The following RBFOX1 variants were observed in gnomAD, a reference collection of about 807,000 sequenced individuals.
The protein encoded by RBFOX1 is RNA binding protein fox-1 homolog 1.
A neutral mutation model predicts 57.7 loss-of-function variants in RBFOX1; 8 were observed. The observed-to-expected ratio is 0.14, with a 90% confidence interval of 0.08 to 0.25. The LOEUF (loss-of-function observed/expected upper bound fraction) is 0.25. Among genes scored for constraint, RBFOX1 ranks in the 10% least tolerant of loss-of-function variants. The pLI, the probability that RBFOX1 is intolerant of heterozygous loss-of-function variation, is 1.00. For synonymous variants in RBFOX1, 326 were observed against 222.4 expected (o/e 1.47, Z -4.15); for missense variants, 611 against 548.5 (o/e 1.11, Z -1.14).
intron 2 of RBFOX1, among the ~76,000 whole-genome samples, chr16:6,544,037 C>T (rs1219513831): frequency 1.3e-5 from 2 of 152,182 alleles, no homozygotes; most frequent in East Asian, 3.9e-4. Context: ...TTAGCAAGTA[C>T]CTGAGATGCT....
intron 2 of RBFOX1, among the ~76,000 whole-genome samples, chr16:6,498,129 G>T (rs1397859369): frequency 6.6e-6 from 1 of 151,834 alleles, no homozygotes; most frequent in Non-Finnish European, 1.5e-5. Flanking sequence ...GTACGTGCCT[G>T]TAGTCCCAGC....
chr16:6,003,006 G>C (rs551273558), intron 4 of RBFOX1, among the ~76,000 whole-genome samples: 1 of 152,160 alleles, frequency 6.6e-6, no homozygotes, highest in African/African-American at 2.4e-5. Context: ...AAGACTGGGC[G>C]TGGTGGCTCA....
intron 3 of RBFOX1, among the ~76,000 whole-genome samples, chr16:6,860,451 C>G (rs75715792): frequency 0.014 from 2,153 of 152,302 alleles, 55 homozygotes; most frequent in African/African-American, 0.049. Flanking sequence ...AGCGGGCGCT[C>G]TACCGTGCTG....
intron 1 of RBFOX1, among the ~76,000 whole-genome samples, chr16:5,415,100 C>A (rs1009560569): frequency 6.6e-6 from 1 of 152,164 alleles, no homozygotes; most frequent in Non-Finnish European, 1.5e-5. Context: ...AATGTCTAAT[C>A]ACACCGTGTA....
chr16:6,512,836 T>G (rs370358035), intron 2 of RBFOX1, among the ~76,000 whole-genome samples: 7 of 152,310 alleles, frequency 4.6e-5, no homozygotes, highest in African/African-American at 1.7e-4. Flanking sequence ...CTAGGTCAAA[T>G]GATCCAATGC....
intron 1 of RBFOX1, among the ~76,000 whole-genome samples, chr16:6,216,055 C>T (rs901029160): frequency 3.3e-5 from 5 of 152,076 alleles, no homozygotes; most frequent in African/African-American, 1.2e-4. Flanking sequence ...TGCATGTTCT[C>T]GCTTGTAAGA....
chr16:6,222,049 A>G (rs1036001551), intron 1 of RBFOX1, among the ~76,000 whole-genome samples: 2 of 152,200 alleles, frequency 1.3e-5, no homozygotes, highest in Non-Finnish European at 1.5e-5. Flanking sequence ...AAGACACCAT[A>G]TTTAAGAAGT....
intron 3 of RBFOX1, among the ~76,000 whole-genome samples, chr16:6,658,509 G>GA (rs1847948645): frequency 6.6e-6 from 1 of 152,068 alleles, no homozygotes; most frequent in South Asian, 2.1e-4. Flanking sequence ...ACCCGGCCGA[G>GA]AGCCCTCATC....
At chr16:6,677,313 G>A (rs2057901809) in intron 3 of RBFOX1, among the ~76,000 whole-genome samples, 3 of 152,062 alleles carry the variant, frequency 2.0e-5, no homozygotes, top group African/African-American at 7.2e-5. Context: ...CATTCCTTAA[G>A]GCCCTTTTGT....
chr16:5,331,493 A>G (rs1271124277), intron 1 of RBFOX1, among the ~76,000 whole-genome samples: 2 of 152,338 alleles, frequency 1.3e-5, no homozygotes, highest in Admixed American at 1.3e-4. Context: ...TGTCTTACCA[A>G]TTCTGGAACT....
At chr16:6,498,650 A>G (rs980752485) in intron 2 of RBFOX1, among the ~76,000 whole-genome samples, 3 of 152,184 alleles carry the variant, frequency 2.0e-5, no homozygotes, top group African/African-American at 7.2e-5. Flanking sequence ...TGCCCATATT[A>G]AGGACTTCGA....
intron 3 of RBFOX1, among the ~76,000 whole-genome samples, chr16:5,621,661 A>G (rs77063747): frequency 6.6e-6 from 1 of 152,194 alleles, no homozygotes; most frequent in Non-Finnish European, 1.5e-5. Flanking sequence ...GTGTCATGGA[A>G]TGATTTAGGA....
intron 1 of RBFOX1, chr16:5,366,602 C>T (rs2151357097): frequency 2.6e-6 from 1 of 390,792 alleles, no homozygotes; most frequent in South Asian, 2.2e-5. Flanking sequence ...AGAGAGGAAG[C>T]AAAGTTCATC....
At position 7,079,184 on chromosome 16, in the gene RBFOX1, A is replaced by G. The variant is rs115098330; in HGVS notation, c.27+27086A>G. Reference sequence around the variant, plus strand: ...ATCAGACTCACTGACTTCACTTCCTATCTCTGCACCATCCAGGCGCGGGAC... The same window carrying G: ...ATCAGACTCACTGACTTCACTTCCTGTCTCTGCACCATCCAGGCGCGGGAC... On this transcript the variant is annotated intron_variant, in intron 4 of 15. Coordinates refer to ENST00000550418, the MANE Select transcript of RBFOX1 (RefSeq NM_018723.4). 5.5e-3 allele frequency among the ~76,000 whole-genome samples: 830 copies of G among 152,132 alleles called. 8 individuals carry two copies. Among genetic ancestry groups the G allele is most frequent in the African/African-American group, 0.019 (783 of 41,522 alleles).
At chr16:7,565,820 G>T (rs1253351761) in intron 5 of RBFOX1, among the ~76,000 whole-genome samples, 1 of 152,150 alleles carries the variant, frequency 6.6e-6, no homozygotes, top group Non-Finnish European at 1.5e-5. Flanking sequence ...AGGGGAGGAA[G>T]CCTGTAGGAA....
intron 3 of RBFOX1, among the ~76,000 whole-genome samples, chr16:6,909,103 G>A (rs1400855345): frequency 6.6e-6 from 1 of 152,164 alleles, no homozygotes; most frequent in African/African-American, 2.4e-5. Flanking sequence ...TTGCAGTTCT[G>A]GAGGTCAGAA....
At chr16:7,378,293 A>T (rs554991351) in intron 4 of RBFOX1, among the ~76,000 whole-genome samples, 3 of 152,122 alleles carry the variant, frequency 2.0e-5, no homozygotes, top group Non-Finnish European at 4.4e-5. Context: ...GGCAAGGGAA[A>T]CGTAGTGGTG....
intron 1 of RBFOX1, among the ~76,000 whole-genome samples, chr16:5,304,968 C>A (rs1245374025): frequency 2.0e-5 from 3 of 152,264 alleles, no homozygotes; most frequent in African/African-American, 7.2e-5. Context: ...GTGTCCTTTA[C>A]CTGTTTTTCA....
chr16:6,430,992 G>A (rs2094064811), intron 2 of RBFOX1, among the ~76,000 whole-genome samples: 1 of 146,348 alleles, frequency 6.8e-6, no homozygotes, highest in Non-Finnish European at 1.5e-5. Flanking sequence ...AAAAAAATTA[G>A]CCAGGTGTGT....
Sources: allele counts gnomAD v4.1 joint callset (sites outside exome capture counted in the v4.1 genomes callset), GRCh38; gene constraint gnomAD v4.1.1; transcripts MANE v1.5; gene names NCBI Gene and HGNC (gene_info 2026-07-23, HGNC 2026-07-21).